Variants in SNX25 observed in about 807,000 individuals in gnomAD.
SNX25 encodes the protein sorting nexin 25.
Under a neutral mutation model 113.7 loss-of-function variants are expected in SNX25, and 62 were observed. That is an observed-to-expected ratio of 0.55 (90% CI 0.44 to 0.67). The LOEUF (loss-of-function observed/expected upper bound fraction) is 0.67. Among genes scored for constraint, SNX25 ranks in the 30% least tolerant of loss-of-function variants. The pLI, the probability that SNX25 is intolerant of heterozygous loss-of-function variation, is 0.00. For synonymous variants in SNX25, 421 were observed against 436.2 expected, an observed-to-expected ratio of 0.97 and a Z score of 0.43; for missense variants, 1,014 against 1,161.0, an observed-to-expected ratio of 0.87 and a Z score of 1.84.
At chr4:185,238,976 C>T (rs1743078786) in intron 1 of SNX25, among the ~76,000 whole-genome samples, 1 of 152,060 alleles carries the variant, frequency 6.6e-6, no homozygotes, top group African/African-American at 2.4e-5. Context: ...TGTTCAGTTG[C>T]TTCTGGTGTG....
chr4:185,297,407 C>G (rs1752984776), intron 6 of SNX25, among the ~76,000 whole-genome samples: 1 of 152,212 alleles, frequency 6.6e-6, no homozygotes, highest in African/African-American at 2.4e-5. Context: ...CTGCAGAGAT[C>G]CTGTACCTTT....
chr4:185,288,704 CAA>C (rs2126611504), intron 6 of SNX25, among the ~76,000 whole-genome samples: 1 of 152,028 alleles, frequency 6.6e-6, no homozygotes, highest in Non-Finnish European at 1.5e-5. Context: ...GGCATGATAC[CAA>C]AGAATAATTA....
chr4:185,346,168 T>G (rs192971541), intron 12 of SNX25, among the ~76,000 whole-genome samples: 111 of 152,332 alleles, frequency 7.3e-4, no homozygotes, highest in Non-Finnish European at 1.2e-3. Flanking sequence ...CATTTTCTAT[T>G]GTTAACTTTA....
intron 5 of SNX25, among the ~76,000 whole-genome samples, chr4:185,276,879 A>G (rs1749779912): frequency 6.6e-6 from 1 of 152,166 alleles, no homozygotes; most frequent in African/African-American, 2.4e-5. Flanking sequence ...GCTTCTCCAC[A>G]TGCTCATTTG....
At chr4:185,292,392 ATTTG>A (rs371250837) in intron 6 of SNX25, among the ~76,000 whole-genome samples, 47 of 152,042 alleles carry the variant, frequency 3.1e-4, no homozygotes, top group African/African-American at 8.7e-4. Context: ...ACAGGAGTTT[ATTTG>A]TTTGTTTGTT....
At chr4:185,317,620 A>C (rs748236969) in intron 7 of SNX25, among the ~76,000 whole-genome samples, 3 of 152,168 alleles carry the variant, frequency 2.0e-5, no homozygotes, top group Non-Finnish European at 4.4e-5. Flanking sequence ...GCACATATAC[A>C]CCATGGAGTA....
intron 1 of SNX25, among the ~76,000 whole-genome samples, chr4:185,240,634 C>G (rs548679788): frequency 2.0e-5 from 3 of 148,058 alleles, no homozygotes; most frequent in Non-Finnish European, 3.0e-5. Context: ...GACGGAGCGG[C>G]TGGCTGGGCG....
At chr4:185,254,224 TATCA>T (rs79519391) in intron 2 of SNX25, among the ~76,000 whole-genome samples, 1,871 of 152,320 alleles carry the variant, frequency 0.012, 18 homozygotes, top group Non-Finnish European at 0.018. Flanking sequence ...TACATAGCTC[TATCA>T]ATCACATAAA....
At chr4:185,223,240 T>C (rs1740283234) in intron 1 of SNX25, among the ~76,000 whole-genome samples, 1 of 152,316 alleles carries the variant, frequency 6.6e-6, no homozygotes, top group South Asian at 2.1e-4. Flanking sequence ...AAATGTGCAT[T>C]AGTGAACATA....
chr4:185,323,894 A>G, intron 9 of SNX25, 94 bp downstream of exon 9: 3 of 1,322,838 alleles, frequency 2.3e-6, no homozygotes, highest in South Asian at 2.6e-5. Flanking sequence ...TTTGATGCAC[A>G]TCTTCATCTT....
chr4:185,360,573 C>T (rs2095356747), intron 16 of SNX25, among the ~76,000 whole-genome samples: 1 of 152,084 alleles, frequency 6.6e-6, no homozygotes, highest in South Asian at 2.1e-4. Flanking sequence ...TTTTCTCCTC[C>T]CAACCTCACA....
intron 6 of SNX25, among the ~76,000 whole-genome samples, chr4:185,302,800 C>T (rs1398959600): frequency 1.3e-5 from 2 of 152,190 alleles, no homozygotes; most frequent in South Asian, 2.1e-4. Context: ...GCCATTGCCC[C>T]AAGGGCTCTT....
chr4:185,259,451 A>G (rs1039416255), intron 3 of SNX25, among the ~76,000 whole-genome samples: 1 of 152,168 alleles, frequency 6.6e-6, no homozygotes, highest in Admixed American at 6.5e-5. Flanking sequence ...TGTGAGTCCT[A>G]TGTTGAGCTC....
chr4:185,272,303 C>G (rs1304302440), intron 5 of SNX25, among the ~76,000 whole-genome samples: 3 of 152,182 alleles, frequency 2.0e-5, no homozygotes, highest in Non-Finnish European at 4.4e-5. Context: ...GTGAAACTCA[C>G]AATTGCCATT....
intron 2 of SNX25, among the ~76,000 whole-genome samples, chr4:185,250,365 G>A (rs1376200157): frequency 3.9e-5 from 6 of 152,168 alleles, no homozygotes; most frequent in Admixed American, 3.9e-4. Context: ...CTTTCCACTG[G>A]TCTCCTGTAG....
chr4:185,314,790 G>A (rs564628231), intron 7 of SNX25, among the ~76,000 whole-genome samples: 12 of 150,452 alleles, frequency 8.0e-5, no homozygotes, highest in African/African-American at 2.4e-4. Flanking sequence ...CCCGGGAGGC[G>A]GAAGTTGCAG....
At chr4:185,207,210 CTTTT>C (rs34373262), upstream of SNX25, among the ~76,000 whole-genome samples, 3 of 76,814 alleles carry the variant, frequency 3.9e-5, no homozygotes, top group Admixed American at 3.6e-4. Context: ...ACCAGTCACA[CTTTT>C]TTTTTTTTTT....
intron 7 of SNX25, among the ~76,000 whole-genome samples, chr4:185,312,816 C>T (rs966500948): frequency 6.6e-6 from 1 of 152,148 alleles, no homozygotes; most frequent in African/African-American, 2.4e-5. Flanking sequence ...TGAGCCACTG[C>T]GCCTGGCCTT....
intron 1 of SNX25, among the ~76,000 whole-genome samples, chr4:185,219,154 T>C (rs1053198625): frequency 6.6e-6 from 1 of 152,182 alleles, no homozygotes; most frequent in Non-Finnish European, 1.5e-5. Context: ...CAGAGCTGAA[T>C]GTCTGGAGGG....
Sources: allele counts gnomAD v4.1 joint callset (sites outside exome capture counted in the v4.1 genomes callset), GRCh38; gene constraint gnomAD v4.1.1; transcripts MANE v1.5; gene names NCBI Gene and HGNC (gene_info 2026-07-23, HGNC 2026-07-21).